XIRP2: variants seen among roughly 807,000 people sequenced by gnomAD.
XIRP2 encodes xin actin binding repeat containing 2, also known as xin actin-binding repeat-containing protein 2.
Under a neutral mutation model 277.0 loss-of-function variants are expected in XIRP2, and 236 were observed. The observed-to-expected ratio is 0.85, with a 90% CI of 0.77 to 0.95. The LOEUF (loss-of-function observed/expected upper bound fraction) is 0.95, where lower values mean the gene tolerates loss of function less well. Among genes scored for constraint, XIRP2 ranks in the 40% least tolerant of loss-of-function variants. XIRP2 has a pLI of 0.00. For missense variants in XIRP2, 4,640 were observed against 4,157.5 expected, an observed-to-expected ratio of 1.12 and a Z score of -3.19; for synonymous variants, 1,490 against 1,416.5, an observed-to-expected ratio of 1.05 and a Z score of -1.17.
chr2:166,994,509 A>T (rs1481127049), intron 2 of XIRP2, among the ~76,000 whole-genome samples: 6 of 142,552 alleles, frequency 4.2e-5, no homozygotes, highest in East Asian at 5.1e-4. Context: ...AAAAAAAAAA[A>T]TTTGAAGGCT....
chr2:167,221,238 C>T (rs971350005), intron 5 of XIRP2, among the ~76,000 whole-genome samples: 2 of 151,724 alleles, frequency 1.3e-5, no homozygotes, highest in South Asian at 2.1e-4. Flanking sequence ...TTTGGGAGGC[C>T]GAGGTGGGCA....
chr2:166,966,465 G>A (rs1045537465), intron 2 of XIRP2, among the ~76,000 whole-genome samples: 1 of 151,644 alleles, frequency 6.6e-6, no homozygotes. Flanking sequence ...ATATGTTTTA[G>A]TATACATATT....
At chr2:167,193,586 TGAGTA>T in intron 3 of XIRP2, among the ~76,000 whole-genome samples, 1 of 152,246 alleles carries the variant, frequency 6.6e-6, no homozygotes, top group East Asian at 1.9e-4. Context: ...TCGTTAACCT[TGAGTA>T]GAGAGGCTGG....
chr2:166,944,844 T>C (rs1685810237), intron 2 of XIRP2, among the ~76,000 whole-genome samples: 1 of 152,194 alleles, frequency 6.6e-6, no homozygotes, highest in Non-Finnish European at 1.5e-5. Context: ...GCCACATCTA[T>C]TGACAGAGCT....
intron 2 of XIRP2, among the ~76,000 whole-genome samples, chr2:166,956,045 T>G (rs1048794154): frequency 1.3e-5 from 2 of 151,884 alleles, no homozygotes; most frequent in Admixed American, 6.6e-5. Context: ...CTCTTTTCAT[T>G]TATTTCATTA....
chr2:166,978,387 T>C (rs1574131659), intron 2 of XIRP2, among the ~76,000 whole-genome samples: 1 of 152,318 alleles, frequency 6.6e-6, no homozygotes, highest in East Asian at 1.9e-4. Context: ...CATATAATTT[T>C]AGAAGTAGCT....
At chr2:167,233,888 ACTT>A (rs1694827826) in intron 5 of XIRP2, among the ~76,000 whole-genome samples, 1 of 151,618 alleles carries the variant, frequency 6.6e-6, no homozygotes, top group African/African-American at 2.4e-5. Flanking sequence ...TCTACGTAAA[ACTT>A]CTGAAATGCA....
chr2:167,001,303 C>T (rs1297277994), intron 2 of XIRP2, among the ~76,000 whole-genome samples: 1 of 151,972 alleles, frequency 6.6e-6, no homozygotes, highest in African/African-American at 2.4e-5. Flanking sequence ...GCACATGCAC[C>T]TCATCTTTCT....
chr2:167,213,296 T>C (rs1464939255), intron 4 of XIRP2, among the ~76,000 whole-genome samples: 3 of 152,200 alleles, frequency 2.0e-5, no homozygotes, highest in Non-Finnish European at 2.9e-5. Context: ...GAGAAAAATA[T>C]TTCTATGCCC....
intron 2 of XIRP2, among the ~76,000 whole-genome samples, chr2:167,059,956 A>G (rs1689137921): frequency 6.6e-6 from 1 of 152,140 alleles, no homozygotes; most frequent in Non-Finnish European, 1.5e-5. Flanking sequence ...ACTGAATGAT[A>G]AGAGAACACA....
intron 5 of XIRP2, among the ~76,000 whole-genome samples, chr2:167,227,259 G>T (rs925327168): frequency 1.3e-5 from 2 of 152,094 alleles, no homozygotes; most frequent in African/African-American, 4.8e-5. Context: ...AGAATCCAGA[G>T]AAAGCAAAGG....
At chr2:166,964,522 G>T (rs1389347396) in intron 2 of XIRP2, among the ~76,000 whole-genome samples, 1 of 151,744 alleles carries the variant, frequency 6.6e-6, no homozygotes, top group East Asian at 2.0e-4. Flanking sequence ...TTTGGACAAG[G>T]AGTGAAACTT....
At position 166,975,654 on chromosome 2, in the gene XIRP2, G is replaced by A. The variant is rs534718687; in HGVS notation, c.408+71764G>A. On this transcript the variant is annotated intron_variant, in intron 2 of 10. Transcript: ENST00000409195. ...AAAACTGTTCATTGTGGCCGGGCGC[G>A]GTGGCTCACGCCTGTAATCCCAGCA... 6.2e-4 allele frequency among the ~76,000 whole-genome samples: 95 copies of A among 152,130 alleles called. 1 individual carries two copies. Among genetic ancestry groups the A allele is most frequent in the African/African-American group, 2.2e-3 (93 of 41,534 alleles).
At chr2:166,971,338 A>G (rs1045548482) in intron 2 of XIRP2, among the ~76,000 whole-genome samples, 43 of 152,106 alleles carry the variant, frequency 2.8e-4, no homozygotes, top group Non-Finnish European at 6.2e-4. Flanking sequence ...AAAATTCATC[A>G]AAAAGTTCCA....
At chr2:167,154,878 A>G (rs1204852900) in intron 3 of XIRP2, among the ~76,000 whole-genome samples, 1 of 152,120 alleles carries the variant, frequency 6.6e-6, no homozygotes, top group Non-Finnish European at 1.5e-5. Flanking sequence ...AAGAGAGAAG[A>G]ATCAAATAGA....
At chr2:167,006,873 C>A (rs180694209) in intron 2 of XIRP2, among the ~76,000 whole-genome samples, 61 of 151,778 alleles carry the variant, frequency 4.0e-4, no homozygotes, top group African/African-American at 1.4e-3. Context: ...AAGGCCTCAT[C>A]TTTCCCATTC....
intron 3 of XIRP2, among the ~76,000 whole-genome samples, chr2:167,209,941 C>A (rs1693973321): frequency 1.3e-5 from 2 of 152,068 alleles, no homozygotes; most frequent in South Asian, 4.1e-4. Flanking sequence ...CTGTTTCTTA[C>A]AACTGCTATT....
intron 2 of XIRP2, among the ~76,000 whole-genome samples, chr2:167,036,694 G>A (rs556840343): frequency 9.9e-5 from 15 of 152,240 alleles, no homozygotes; most frequent in Middle Eastern, 3.4e-3. Context: ...GTTTTGAAAT[G>A]TGAGGACATG....
At chr2:166,972,142 C>T (rs1212458499) in intron 2 of XIRP2, among the ~76,000 whole-genome samples, 1 of 152,112 alleles carries the variant, frequency 6.6e-6, no homozygotes, top group African/African-American at 2.4e-5. Context: ...AGAGCCCTCT[C>T]ACTCTCTGCA....
Sources: gnomAD v4.1 joint callset for allele counts (sites outside exome capture counted in the v4.1 genomes callset) on GRCh38, gnomAD v4.1.1 for gene constraint, MANE v1.5 for transcripts, NCBI Gene and HGNC (gene_info 2026-07-23, HGNC 2026-07-21) for gene names.